Variants in BABAM2 observed in about 807,000 individuals in gnomAD.
BABAM2 encodes the protein BRISC and BRCA1 A complex member 2.
Under a neutral mutation model 54.7 loss-of-function variants are expected in BABAM2, and 31 were observed. The observed-to-expected ratio is 0.57, with a 90% confidence interval of 0.43 to 0.77. The LOEUF (loss-of-function observed/expected upper bound fraction) is 0.77. BABAM2 is among the 30% of genes least tolerant of loss of function. The pLI is 0.00. For missense variants in BABAM2, 364 were observed against 455.8 expected, an observed-to-expected ratio of 0.80 and a Z score of 1.83; for synonymous variants, 167 against 162.9, an observed-to-expected ratio of 1.03 and a Z score of -0.19.
At chr2:27,987,957 GA>G (rs765254261) in intron 3 of BABAM2, 35 bp from the exon 4 acceptor site, 19 of 1,534,076 alleles carry the variant, frequency 1.2e-5, no homozygotes, top group Admixed American at 1.7e-5. Flanking sequence ...ACTTAGAAAG[GA>G]AATAAAAAGG....
intron 11 of BABAM2, among the ~76,000 whole-genome samples, chr2:28,332,165 G>A (rs1691014309): frequency 6.6e-6 from 1 of 151,974 alleles, no homozygotes; most frequent in South Asian, 2.1e-4. Context: ...CTGTTGATCG[G>A]GGGGCATCAG....
At chr2:28,217,532 G>C (rs1453503588) in intron 7 of BABAM2, among the ~76,000 whole-genome samples, 1 of 152,174 alleles carries the variant, frequency 6.6e-6, no homozygotes, top group African/African-American at 2.4e-5. Context: ...TGAGGCTTAG[G>C]GATGTTTTAA....
intron 4 of BABAM2, among the ~76,000 whole-genome samples, chr2:28,022,415 A>T (rs866127327): frequency 6.6e-5 from 10 of 152,240 alleles, no homozygotes; most frequent in Admixed American, 1.3e-4. Context: ...CTAGTTAACT[A>T]GTCTTTAAAA....
intron 4 of BABAM2, among the ~76,000 whole-genome samples, chr2:28,013,077 A>G (rs1368792199): frequency 2.0e-5 from 3 of 152,198 alleles, no homozygotes; most frequent in African/African-American, 4.8e-5. Flanking sequence ...GGTAATCTAT[A>G]TAGCAATTTC....
chr2:28,094,280 T>C (rs1219199532), intron 6 of BABAM2, among the ~76,000 whole-genome samples: 1 of 152,174 alleles, frequency 6.6e-6, no homozygotes, highest in Non-Finnish European at 1.5e-5. Context: ...GAGATGTTTT[T>C]GGTCTTGTTC....
chr2:28,174,572 C>T (rs992080148), intron 7 of BABAM2, among the ~76,000 whole-genome samples: 23 of 143,042 alleles, frequency 1.6e-4, no homozygotes, highest in Admixed American at 1.1e-3. Flanking sequence ...AGAGGCTCCT[C>T]AGTGTGGGGA....
intron 11 of BABAM2, among the ~76,000 whole-genome samples, chr2:28,320,257 G>T (rs1340384682): frequency 1.3e-5 from 2 of 152,216 alleles, no homozygotes; most frequent in Non-Finnish European, 2.9e-5. Flanking sequence ...CCCTTACTTG[G>T]TTTTAAGAGC....
chr2:28,303,144 G>A (rs983218120), intron 11 of BABAM2, among the ~76,000 whole-genome samples: 3 of 152,064 alleles, frequency 2.0e-5, no homozygotes, highest in Admixed American at 6.5e-5. Context: ...TTACAGGTGT[G>A]AGCCACTATT....
chr2:28,308,378 A>G (rs935536850), intron 11 of BABAM2: 1 of 500,106 alleles, frequency 2.0e-6, no homozygotes, highest in Non-Finnish European at 3.9e-6. Context: ...AGCTTGACCA[A>G]TAATTCATCA....
At chr2:28,132,038 T>G (rs1229529012) in intron 7 of BABAM2, among the ~76,000 whole-genome samples, 3 of 152,124 alleles carry the variant, frequency 2.0e-5, no homozygotes, top group Non-Finnish European at 4.4e-5. Context: ...AAATCTAACG[T>G]GTGGGAAATG....
chr2:28,266,292 T>C (rs940406778), intron 10 of BABAM2, among the ~76,000 whole-genome samples: 4 of 152,210 alleles, frequency 2.6e-5, no homozygotes, highest in South Asian at 2.1e-4. Flanking sequence ...CAGCCACCTT[T>C]CTTCTTTCTG....
intron 2 of BABAM2, among the ~76,000 whole-genome samples, chr2:27,900,780 A>T (rs1281657578): frequency 1.3e-5 from 2 of 152,302 alleles, no homozygotes; most frequent in East Asian, 3.9e-4. Context: ...GCGGTGGCTC[A>T]CGCCTGTAAT....
intron 6 of BABAM2, among the ~76,000 whole-genome samples, chr2:28,067,183 C>G (rs1663678683): frequency 6.6e-6 from 1 of 152,220 alleles, no homozygotes; most frequent in African/African-American, 2.4e-5. Flanking sequence ...CTGCCTGCCT[C>G]TGCCTCCCAC....
At chr2:28,151,416 A>G (rs1290344946) in intron 7 of BABAM2, among the ~76,000 whole-genome samples, 2 of 152,070 alleles carry the variant, frequency 1.3e-5, no homozygotes, top group Non-Finnish European at 2.9e-5. Context: ...CTAAAAATAC[A>G]AAAAATTAGC....
intron 11 of BABAM2, among the ~76,000 whole-genome samples, chr2:28,323,060 C>G (rs941269110): frequency 6.6e-6 from 1 of 151,306 alleles, no homozygotes; most frequent in Non-Finnish European, 1.5e-5. Flanking sequence ...GAAAGCAGAG[C>G]CCCCCACTCT....
At chr2:27,987,575 G>T (rs966273180) in intron 3 of BABAM2, among the ~76,000 whole-genome samples, 3 of 152,122 alleles carry the variant, frequency 2.0e-5, no homozygotes, top group African/African-American at 7.2e-5. Flanking sequence ...AGCACTTTGG[G>T]AGGCTGAGGT....
intron 11 of BABAM2, among the ~76,000 whole-genome samples, chr2:28,333,620 G>C (rs768897482): frequency 5.9e-5 from 9 of 152,220 alleles, no homozygotes; most frequent in Non-Finnish European, 1.3e-4. Flanking sequence ...ATGAAACCCT[G>C]AGCAGAGAGA....
chr2:28,332,883 G>A lies in BABAM2; in HGVS notation c.1089-5567G>A, dbSNP rs1691086790. Among the ~76,000 whole-genome samples, 3 of 152,302 alleles carry A rather than the reference G, an allele frequency of 2.0e-5. 1 individual carries two copies. Among genetic ancestry groups the A allele is most frequent in the Admixed American group, 2.0e-4 (3 of 15,294 alleles). ...AAGACACACAGTGTCCCATGACTTT[G>A]GCTGAGTATCCAAGCCTGAGATTGG... On this transcript the variant is annotated intron_variant, in intron 11 of 11. Coordinates refer to ENST00000379624, the MANE Select transcript of BABAM2 (RefSeq NM_199191.3).
intron 7 of BABAM2, among the ~76,000 whole-genome samples, chr2:28,171,426 T>C (rs17759746): frequency 0.099 from 15,140 of 152,168 alleles, 802 homozygotes; most frequent in Admixed American, 0.11. Context: ...CTACTGGAGG[T>C]GGTCAACCAC....
Sources: allele counts gnomAD v4.1 joint callset (sites outside exome capture counted in the v4.1 genomes callset), GRCh38; gene constraint gnomAD v4.1.1; transcripts MANE v1.5; gene names NCBI Gene and HGNC (gene_info 2026-07-23, HGNC 2026-07-21).